Variants in COL3A1 observed in about 807,000 individuals in gnomAD.
The protein encoded by COL3A1 is collagen type III alpha 1 chain.
COL3A1 carries 46 observed loss-of-function variants against 200.9 expected under a neutral mutation model. The observed-to-expected ratio is 0.23, with a 90% CI of 0.18 to 0.29. The LOEUF is 0.29. COL3A1 is among the 10% of genes least tolerant of loss of function. COL3A1 has a pLI of 1.00. For missense variants in COL3A1, 1,367 were observed against 1,917.6 expected (o/e 0.71, Z 5.36); for synonymous variants, 650 against 628.0 (o/e 1.03, Z -0.52).
At chr2:188,996,075 TTTTTA>T (rs1385493630) in intron 22 of COL3A1, 45 bp from the exon 23 acceptor site, 1 of 1,546,876 alleles carries the variant, frequency 6.5e-7, no homozygotes, top group Non-Finnish European at 8.9e-7. Context: ...ATGTAGTAAT[TTTTTA>T]TTATTTCATT....
At chr2:188,981,043 G>A (rs1398965359) in intron 1 of COL3A1, among the ~76,000 whole-genome samples, 3 of 151,234 alleles carry the variant, frequency 2.0e-5, no homozygotes, top group African/African-American at 4.8e-5. Context: ...GTGCTTTAGG[G>A]AATAATATTA....
chr2:188,999,300 C>T lies in COL3A1; in HGVS notation c.2038C>T (p.Pro680Ser), dbSNP rs372027308. ...TTTGTCACAGGGTGATGCTGGTGCC[C>T]CTGGTGAACGTGGACCTCCTGGATT... is the stretch of plus-strand genomic sequence containing the variant. Reference protein sequence around the residue: ...APGGKGDAGAPGERGPPGLAG... With the variant: ...APGGKGDAGASGERGPPGLAG... Residue 680 changes from proline to serine, a missense_variant, in exon 30 of 51, where the codon CCT becomes TCT. Pro to Ser is a moderately conservative substitution (Grantham distance 74, BLOSUM62 -1). Transcript: ENST00000304636. 1.3e-5 allele frequency: 21 copies of T among 1,578,876 alleles called. No individual in the cohort carries two copies. The highest frequency in any genetic ancestry group is 2.7e-5 in the African/African-American group (2 of 74,064).
chr2:189,004,500 T>TG, intron 40 of COL3A1, 136 bp downstream of exon 40: 1 of 797,776 alleles, frequency 1.3e-6, no homozygotes, highest in South Asian at 1.7e-5. Flanking sequence ...TATTTTTAGA[T>TG]TTTTAAAAGC....
chr2:188,978,664 G>C (rs1031739714), intron 1 of COL3A1, among the ~76,000 whole-genome samples: 2 of 150,602 alleles, frequency 1.3e-5, no homozygotes, highest in Admixed American at 1.3e-4. Flanking sequence ...AAAGTTTCCA[G>C]GTCTACAATA....
chr2:188,988,709 T>G, intron 7 of COL3A1, 66 bp downstream of exon 7: 3 of 1,095,404 alleles, frequency 2.7e-6, no homozygotes, highest in Non-Finnish European at 4.2e-6. Context: ...CTTTGTTTTC[T>G]AAAACAAGTA....
chr2:189,001,579 G>A lies in COL3A1; in HGVS notation c.2381G>A (p.Arg794His), dbSNP rs1332613006. The A allele has an allele frequency of 6.2e-6, 10 of 1,613,966 alleles. No homozygotes were observed. Among genetic ancestry groups the A allele is most frequent in the South Asian group, 1.1e-5 (1 of 91,072 alleles). Reference protein sequence around the residue: ...APGLPGIAGPRGSPGERGETG... With the variant: ...APGLPGIAGPHGSPGERGETG... ...GGACTTCCAGGTATAGCTGGACCTC[G>A]TGGTAGCCCTGTAAGTGTTAAAGAC... The change falls in exon 34 of 51, where the codon CGT (arginine) becomes CAT (histidine). Residue 794 changes from arginine to histidine, a missense_variant. Physicochemically the swap from Arg to His is conservative, Grantham distance 29. Transcript: ENST00000304636.
At chr2:189,006,915 C>T (rs748190936) in intron 43 of COL3A1, 22 bp from the exon 44 acceptor site, 1 of 1,612,818 alleles carries the variant, frequency 6.2e-7, no homozygotes, top group South Asian at 1.1e-5. Flanking sequence ...TATGTCTTCT[C>T]AATTGAATGT....
In COL3A1 at chr2:188,995,038, A is replaced by G; in HGVS notation, c.1456-8A>G. 6.2e-7 allele frequency: 1 copy of G among 1,614,024 alleles called. No homozygotes were observed. The highest frequency in any genetic ancestry group is 8.5e-7 in the Non-Finnish European group (1 of 1,179,906). ...TGGACTGAAATACTTGTCTTTCATT[A>G]TTTTCAGGGTGCCCCTGGGTTCCGA... On this transcript the variant is annotated splice_polypyrimidine_tract_variant and splice_region_variant and intron_variant, in intron 20 of 50. Transcript: ENST00000304636.
chr2:188,993,089 A>T lies in COL3A1; in HGVS notation c.1050+149A>T, dbSNP rs1688222532. On this transcript the variant is annotated intron_variant, in intron 15 of 50. Coordinates refer to ENST00000304636, the MANE Select transcript of COL3A1 (RefSeq NM_000090.4). ...TTAAAGCCCTATTCTTGATTCTAAA[A>T]GAGGTGTTGTCCCTAGTATTCAACT... 5.1e-6 allele frequency: 4 copies of T among 777,970 alleles called. No individual in the cohort carries two copies. In the South Asian group the frequency reaches 6.3e-5, roughly 12 times the overall value. 48.2% of individuals were successfully genotyped at this position (777,970 alleles called of 1,614,324 possible).
At chr2:189,008,014 G>T (rs780132155) in intron 46 of COL3A1, 21 bp from the exon 47 acceptor site, 1 of 1,613,920 alleles carries the variant, frequency 6.2e-7, no homozygotes, top group South Asian at 1.1e-5. Flanking sequence ...CTGGCATTGT[G>T]ATGTCATGAT....
Position 189,003,278 on chromosome 2 carries a change from A to C in COL3A1, c.2554-133A>C. 8.6e-6 allele frequency: 7 copies of C among 809,588 alleles called. No individual in the cohort carries two copies. The South Asian group carries it at 1.0e-4, about 12-fold the overall frequency. 50.2% of individuals were successfully genotyped at this position (809,588 alleles called of 1,614,324 possible). A position where few individuals can be genotyped will look rare whatever the true frequency, so the allele number is the denominator to read the frequency against. Reference sequence around the variant, plus strand: ...ATCTTTATATGAATATAGTCCAAGTATGAATCTCAGCACCAGCAATCTAAA... The same window carrying C: ...ATCTTTATATGAATATAGTCCAAGTCTGAATCTCAGCACCAGCAATCTAAA... On this transcript the variant is annotated intron_variant, in intron 36 of 50. Coordinates refer to ENST00000304636, the MANE Select transcript of COL3A1 (RefSeq NM_000090.4).
rs145138575 is a variant in COL3A1, at chr2:189,010,795, A to G, written c.4159A>G (p.Lys1387Glu). The G allele has an allele frequency of 3.7e-6, 6 of 1,614,040 alleles. No individual in the cohort carries two copies. The African/African-American group carries it at 8.0e-5, about 22-fold the overall frequency. Residue 1387 changes from lysine to glutamate, a missense_variant, in exon 50 of 51, where the codon AAG becomes GAG. Lys to Glu is a moderately conservative substitution (Grantham distance 56). Transcript: ENST00000304636. ...AYMDQASGNV[K>E]KALKLMGSNE... ...CATGGATCAGGCCAGTGGAAATGTA[A>G]AGAAGGCCCTGAAGCTGATGGGGTC... is the stretch of plus-strand genomic sequence containing the variant.
intron 47 of COL3A1, 27 bp downstream of exon 47, chr2:189,008,169 AT>A (rs776546551): frequency 3.4e-5 from 53 of 1,569,316 alleles, no homozygotes; most frequent in Non-Finnish European, 4.6e-5. Flanking sequence ...ACGTATGTGT[AT>A]TTAATTTGCT....
intron 50 of COL3A1, 117 bp from the exon 51 acceptor site, chr2:189,011,511 A>G: frequency 8.5e-7 from 1 of 1,175,652 alleles, no homozygotes; most frequent in Non-Finnish European, 1.3e-6. Flanking sequence ...TACATGAATA[A>G]TAACATGGCA....
Position 188,999,494 on chromosome 2 carries a change from C to T in COL3A1, c.2146C>T (p.Pro716Ser). ...GGGTGCTGCTGGTCCTCCTGGGCCA[C>T]CTGGTGCTGCTGGTACTCCTGGTCT... ...GKGAAGPPGP[P>S]GAAGTPGLQG... The change falls in exon 31 of 51, where the codon CCT becomes TCT. Residue 716 changes from proline (P) to serine (S), a missense_variant. Transcript: ENST00000304636. 1.9e-6 allele frequency: 3 copies of T among 1,614,100 alleles called. No homozygotes were observed. Among genetic ancestry groups the T allele is most frequent in the Non-Finnish European group, 2.5e-6 (3 of 1,180,030 alleles).
At position 189,001,279 on chromosome 2, in the gene COL3A1, T is replaced by G. The variant is rs557038132; in HGVS notation, c.2284-118T>G. On this transcript the variant is annotated intron_variant, in intron 32 of 50. Transcript: ENST00000304636. ...AGCATAGCATTCAAGCCATAAAAAT[T>G]TTTAAAAAGTATGTTATCTAGTTTA... is the stretch of plus-strand genomic sequence containing the variant. The G allele has an allele frequency of 2.3e-5, 23 of 980,206 alleles. No homozygotes were observed. In the South Asian group the frequency reaches 3.2e-4, roughly 14 times the overall value. 60.7% of individuals were successfully genotyped at this position (980,206 alleles called of 1,614,324 possible). A position where few individuals can be genotyped will look rare whatever the true frequency, so the allele number is the denominator to read the frequency against.
At chr2:189,005,782 T>G (rs1688571948) in intron 41 of COL3A1, among the ~76,000 whole-genome samples, 1 of 152,004 alleles carries the variant, frequency 6.6e-6, no homozygotes, top group Non-Finnish European at 1.5e-5. Context: ...TTATTATTTT[T>G]AAAGAATTTA....
chr2:188,990,366 T>C lies in COL3A1; in HGVS notation c.798+6T>C. 6.2e-7 allele frequency: 1 copy of C among 1,612,040 alleles called. No individual in the cohort carries two copies. Among genetic ancestry groups the C allele is most frequent in the Non-Finnish European group, 8.5e-7 (1 of 1,178,482 alleles). On this transcript the variant is annotated splice_donor_region_variant and intron_variant, in intron 10 of 50. Transcript: ENST00000304636. The stretch of plus-strand genomic sequence containing the variant: ...CTGGTATGAAAGGACACAGAGTAAG[T>C]AGAGTTTCTAAGTTGTTTACAAGGT...
intron 42 of COL3A1, 34 bp downstream of exon 42, chr2:189,006,293 A>T (rs2153503714): frequency 3.7e-6 from 6 of 1,613,996 alleles, no homozygotes; most frequent in Admixed American, 1.7e-5. Flanking sequence ...GATTTGTGTT[A>T]TCAAAATAAG....
Sources: gnomAD v4.1 joint callset for allele counts (sites outside exome capture counted in the v4.1 genomes callset) on GRCh38, gnomAD v4.1.1 for gene constraint, MANE v1.5 for transcripts, NCBI Gene and HGNC (gene_info 2026-07-23, HGNC 2026-07-21) for gene names.